GSG1L: variants seen among roughly 807,000 people sequenced by gnomAD.
The protein encoded by GSG1L is germ cell-specific gene 1-like protein.
In GSG1L, 24 loss-of-function variants were observed where a neutral mutation model predicts 42.1. The ratio of observed to expected loss-of-function variants is 0.57; its 90% confidence interval spans 0.41 to 0.80. The LOEUF (loss-of-function observed/expected upper bound fraction) is 0.80, where lower values mean the gene tolerates loss of function less well. Among genes scored for constraint, GSG1L ranks in the 30% least tolerant of loss-of-function variants. GSG1L has a pLI of 0.00. For missense variants in GSG1L, 445 were observed against 472.2 expected (o/e 0.94, Z 0.53); for synonymous variants, 215 against 203.5 (o/e 1.06, Z -0.48).
Position 27,884,921 on chromosome 16 carries a change from A to G in GSG1L, c.398-283T>C, listed in dbSNP as rs895236323. On this transcript the variant is annotated intron_variant, in intron 2 of 6. Coordinates refer to ENST00000447459, the MANE Select transcript of GSG1L (RefSeq NM_001109763.2). The surrounding 1 kb of genome is among the most constrained non-coding windows in gnomAD (Gnocchi z 4.4). ...GCTCCCTTTCTTTCTCATGGATTAG[A>G]TGATCACCACTGAGAGCCAGCTTGC... Among the ~76,000 whole-genome samples, 2 of 152,144 alleles carry G rather than the reference A, an allele frequency of 1.3e-5. No individual in the cohort carries two copies. The highest frequency in any genetic ancestry group is 2.9e-5 in the Non-Finnish European group (2 of 68,034).
At chr16:27,863,542 T>G (rs1306989108) in intron 3 of GSG1L, among the ~76,000 whole-genome samples, 1 of 152,236 alleles carries the variant, frequency 6.6e-6, no homozygotes, top group African/African-American at 2.4e-5. Context: ...AACTTTTAAC[T>G]GATGAATTTA....
At chr16:27,802,026 G>T (rs2082888393) in intron 6 of GSG1L, among the ~76,000 whole-genome samples, 4 of 152,052 alleles carry the variant, frequency 2.6e-5, no homozygotes, top group South Asian at 2.1e-4. Flanking sequence ...CTGCCAAGGG[G>T]TATCACCCTG....
rs996054424 is a variant in GSG1L, at chr16:27,817,159, G to A, written c.831-9605C>T. On this transcript the variant is annotated intron_variant, in intron 5 of 6. Coordinates refer to ENST00000447459, the MANE Select transcript of GSG1L (RefSeq NM_001109763.2). ...CTAGGAGGCCACACTGTACCTGCCG[G>A]CCTGATTCCAGGGCCGAATGTGGCC... Among the ~76,000 whole-genome samples, 7 of 152,350 alleles carry A rather than the reference G, an allele frequency of 4.6e-5. No homozygotes were observed. In the South Asian group the frequency reaches 6.2e-4, roughly 14 times the overall value.
chr16:28,017,598 C>T lies in GSG1L; in HGVS notation c.349+45478G>A, dbSNP rs138411920. 3.6e-3 allele frequency among the ~76,000 whole-genome samples: 543 copies of T among 152,316 alleles called. 3 individuals are homozygous for T. The highest frequency in any genetic ancestry group is 0.012 in the African/African-American group (482 of 41,564). ...GTCTGTCAACCGCAGAAGAAATACA[C>T]AACCTGCAAGAGAGCCTTATAACAA... On this transcript the variant is annotated intron_variant, in intron 1 of 6. Coordinates refer to ENST00000447459, the MANE Select transcript of GSG1L (RefSeq NM_001109763.2).
chr16:27,856,622 A>T (rs1267783863), intron 3 of GSG1L, among the ~76,000 whole-genome samples: 1 of 152,166 alleles, frequency 6.6e-6, no homozygotes, highest in East Asian at 1.9e-4. Flanking sequence ...CCTCACGAAC[A>T]TTTTTACAAT....
intron 3 of GSG1L, among the ~76,000 whole-genome samples, chr16:27,878,062 A>C (rs899551206): frequency 4.6e-5 from 7 of 152,182 alleles, no homozygotes; most frequent in Non-Finnish European, 8.8e-5. Flanking sequence ...TTAAAGAAAA[A>C]AAAAATGGTT....
chr16:27,988,056 A>T lies in GSG1L; in HGVS notation c.350-24853T>A, dbSNP rs1433892686. Reference sequence around the variant, plus strand: ...GTCATGTTAAATAAAGTAACAGATCATCATAAAATGTCTGAGTCATTTCTA... The same window carrying T: ...GTCATGTTAAATAAAGTAACAGATCTTCATAAAATGTCTGAGTCATTTCTA... On this transcript the variant is annotated intron_variant, in intron 1 of 6. Transcript: ENST00000447459. Among the ~76,000 whole-genome samples the T allele has an allele frequency of 5.3e-5, 8 of 152,140 alleles. No individual in the cohort carries two copies. The East Asian group carries it at 1.5e-3, about 29-fold the overall frequency.
chr16:27,813,464 C>T (rs1408617767), intron 5 of GSG1L, among the ~76,000 whole-genome samples: 1 of 152,202 alleles, frequency 6.6e-6, no homozygotes. Context: ...TTTCTTTATG[C>T]AGTCTACCAC....
At chr16:28,027,149 A>AT (rs1489675451) in intron 1 of GSG1L, among the ~76,000 whole-genome samples, 2 of 152,072 alleles carry the variant, frequency 1.3e-5, no homozygotes, top group African/African-American at 4.8e-5. Context: ...ACAGTATGTC[A>AT]TTTTTCACTC....
At chr16:27,980,494 C>T (rs2085312986) in intron 1 of GSG1L, among the ~76,000 whole-genome samples, 1 of 152,184 alleles carries the variant, frequency 6.6e-6, no homozygotes, top group South Asian at 2.1e-4. Flanking sequence ...ATGCGCCTAC[C>T]AACGTGTGTT....
At chr16:27,860,199 C>T (rs960571711) in intron 3 of GSG1L, among the ~76,000 whole-genome samples, 6 of 152,210 alleles carry the variant, frequency 3.9e-5, no homozygotes, top group South Asian at 4.1e-4. Context: ...ACCTGGGCTG[C>T]GGTTACCCCA....
At chr16:27,965,112 G>T (rs1181851085) in intron 1 of GSG1L, among the ~76,000 whole-genome samples, 1 of 152,040 alleles carries the variant, frequency 6.6e-6, no homozygotes, top group African/African-American at 2.4e-5. Flanking sequence ...TCCACCTCCT[G>T]GGTTGAAGCA....
chr16:27,945,970 G>A (rs993566771), intron 2 of GSG1L, among the ~76,000 whole-genome samples: 2 of 152,186 alleles, frequency 1.3e-5, no homozygotes, highest in African/African-American at 4.8e-5. Context: ...CCTGCTCCAC[G>A]CAGGCCCTGA....
At chr16:28,001,992 C>T (rs537374808) in intron 1 of GSG1L, among the ~76,000 whole-genome samples, 1 of 152,320 alleles carries the variant, frequency 6.6e-6, no homozygotes, top group African/African-American at 2.4e-5. Context: ...TGGCCAAACT[C>T]CTGGCAGTCT....
At chr16:27,900,909 T>C (rs1330909432) in intron 2 of GSG1L, among the ~76,000 whole-genome samples, 2 of 151,304 alleles carry the variant, frequency 1.3e-5, no homozygotes, top group Admixed American at 6.6e-5. Flanking sequence ...GGGTGGATCA[T>C]CTGAGGTCAG....
At chr16:27,944,933 C>T (rs1364635955) in intron 2 of GSG1L, among the ~76,000 whole-genome samples, 1 of 151,372 alleles carries the variant, frequency 6.6e-6, no homozygotes, top group Non-Finnish European at 1.5e-5. Context: ...CAAAATTAGA[C>T]GGGCATCGTG....
chr16:27,986,087 G>A (rs182621221), intron 1 of GSG1L, among the ~76,000 whole-genome samples: 16 of 152,274 alleles, frequency 1.1e-4, no homozygotes, highest in Admixed American at 3.3e-4. Context: ...TGACCTTTGC[G>A]TGTGCCATGG....
rs55936452 is a variant in GSG1L, at chr16:27,933,648, C to CAAAA, written c.397+29504_397+29507dup. On this transcript the variant is annotated intron_variant, in intron 2 of 6. Transcript: ENST00000447459. ...TGGGTGACAGAGCAAGACTTTGTCA[C>CAAAA]AAAAAAAAAAAAAAAAAAAAAGTGT... 2.2e-3 allele frequency among the ~76,000 whole-genome samples: 208 copies of CAAAA among 94,372 alleles called. 8 individuals are homozygous for CAAAA. Among genetic ancestry groups the CAAAA allele is most frequent in the South Asian group, 8.3e-3 (20 of 2,406 alleles). 61.9% of individuals were successfully genotyped at this position (94,372 alleles called of 152,430 possible). A position where few individuals can be genotyped will look rare whatever the true frequency, so the allele number is the denominator to read the frequency against.
chr16:27,996,526 A>T (rs2085516100), intron 1 of GSG1L, among the ~76,000 whole-genome samples: 1 of 151,020 alleles, frequency 6.6e-6, no homozygotes, highest in Admixed American at 6.6e-5. Context: ...CTCTCAGAAT[A>T]TAATTATTAA....
Sources: allele counts gnomAD v4.1 joint callset (sites outside exome capture counted in the v4.1 genomes callset), GRCh38; gene constraint gnomAD v4.1.1; non-coding constraint Gnocchi (gnomAD v3.1); transcripts MANE v1.5; gene names NCBI Gene and HGNC (gene_info 2026-07-23, HGNC 2026-07-21).